Variants in RGS6 observed in about 807,000 individuals in gnomAD.
RGS6 encodes regulator of G protein signaling 6.
Under a neutral mutation model 78.5 loss-of-function variants are expected in RGS6, and 30 were observed. That is an observed-to-expected ratio of 0.38 (90% CI 0.29 to 0.52). The LOEUF is 0.52. RGS6 is among the 20% of genes least tolerant of loss of function. The pLI is 0.85. For synonymous variants in RGS6, 206 were observed against 206.0 expected, an observed-to-expected ratio of 1.00 and a Z score of 0.00; for missense variants, 495 against 609.7, an observed-to-expected ratio of 0.81 and a Z score of 1.98.
intron 2 of RGS6, among the ~76,000 whole-genome samples, chr14:72,116,588 C>T (rs1485543622): frequency 6.6e-6 from 1 of 151,874 alleles, no homozygotes. Context: ...GGGGCAAAAT[C>T]ATCCTCAGTT....
intron 3 of RGS6, among the ~76,000 whole-genome samples, chr14:72,383,116 T>C (rs1472459758): frequency 6.8e-6 from 1 of 148,036 alleles, no homozygotes; most frequent in Non-Finnish European, 1.5e-5. Flanking sequence ...ATTAAAATTT[T>C]TTCAAGAGTT....
intron 2 of RGS6, among the ~76,000 whole-genome samples, chr14:72,173,736 A>G (rs2097060694): frequency 6.6e-6 from 1 of 152,162 alleles, no homozygotes; most frequent in African/African-American, 2.4e-5. Flanking sequence ...GATCTAAATA[A>G]CATACTGGAA....
At chr14:71,953,969 G>T (rs370875891) in intron 1 of RGS6, among the ~76,000 whole-genome samples, 40 of 76,080 alleles carry the variant, frequency 5.3e-4, no homozygotes, top group South Asian at 1.1e-3. Flanking sequence ...CTAAGTGGGC[G>T]TTTTTTTTTT....
At chr14:71,948,431 G>A (rs1351899677) in intron 1 of RGS6, among the ~76,000 whole-genome samples, 2 of 152,162 alleles carry the variant, frequency 1.3e-5, no homozygotes, top group Non-Finnish European at 2.9e-5. Flanking sequence ...TTGCATCACT[G>A]TATGTGAGAG....
chr14:72,065,925 C>G (rs1346560442), intron 2 of RGS6, among the ~76,000 whole-genome samples: 1 of 149,062 alleles, frequency 6.7e-6, no homozygotes, highest in Non-Finnish European at 1.5e-5. Context: ...CTCCCCCCCT[C>G]CCCCCAGCCC....
intron 2 of RGS6, among the ~76,000 whole-genome samples, chr14:72,199,638 A>T (rs2041020653): frequency 6.6e-6 from 1 of 152,202 alleles, no homozygotes. Context: ...GAGATGTGAT[A>T]TGCTCTCCCC....
chr14:72,591,926 T>A, the RGS6 span, among the ~76,000 whole-genome samples: 1 of 152,316 alleles, frequency 6.6e-6, no homozygotes, highest in South Asian at 2.1e-4. Flanking sequence ...GTCTCCTCAA[T>A]AGCCACTACC....
At chr14:72,190,454 T>G (rs2097308599) in intron 2 of RGS6, among the ~76,000 whole-genome samples, 1 of 152,208 alleles carries the variant, frequency 6.6e-6, no homozygotes, top group South Asian at 2.1e-4. Context: ...TCATGTCTAC[T>G]CCAGGATTTT....
At chr14:72,470,715 A>T (rs928949047) in intron 8 of RGS6, among the ~76,000 whole-genome samples, 1 of 152,076 alleles carries the variant, frequency 6.6e-6, no homozygotes, top group African/African-American at 2.4e-5. Context: ...CCCCGTCTCT[A>T]CTAAAAATAC....
intron 2 of RGS6, among the ~76,000 whole-genome samples, chr14:72,185,728 G>C (rs1032116466): frequency 1.7e-4 from 26 of 152,146 alleles, no homozygotes; most frequent in Non-Finnish European, 2.9e-5. Flanking sequence ...GCGGATTACT[G>C]AGCCCAGGAG....
intron 2 of RGS6, among the ~76,000 whole-genome samples, chr14:72,234,294 CA>C (rs559294818): frequency 1.3e-3 from 201 of 151,480 alleles, no homozygotes; most frequent in African/African-American, 4.4e-3. Flanking sequence ...GTGTTAGGGT[CA>C]AAATTCTGAT....
intron 2 of RGS6, among the ~76,000 whole-genome samples, chr14:72,150,523 A>G (rs539544509): frequency 1.4e-4 from 22 of 152,204 alleles, no homozygotes; most frequent in African/African-American, 5.3e-4. Context: ...AGACTGGGTA[A>G]TTTGTAAAGA....
At chr14:72,535,583 G>A (rs1046382892) in intron 15 of RGS6, among the ~76,000 whole-genome samples, 4 of 152,080 alleles carry the variant, frequency 2.6e-5, no homozygotes, top group South Asian at 2.1e-4. Flanking sequence ...ATGTATGTAT[G>A]TGTGCATTTA....
intron 3 of RGS6, among the ~76,000 whole-genome samples, chr14:72,354,934 T>A (rs2079937223): frequency 6.6e-6 from 1 of 152,042 alleles, no homozygotes; most frequent in Admixed American, 6.6e-5. Context: ...GTATGTAATT[T>A]TACTATATTA....
chr14:72,608,125 A>G, the RGS6 span, among the ~76,000 whole-genome samples: 1 of 152,220 alleles, frequency 6.6e-6, no homozygotes. Context: ...GACCCCGTTC[A>G]TCACATGTTG....
At chr14:71,934,164 T>C (rs1328035374) in intron 1 of RGS6, among the ~76,000 whole-genome samples, 1 of 152,218 alleles carries the variant, frequency 6.6e-6, no homozygotes, top group Non-Finnish European at 1.5e-5. Context: ...GGACATTTGG[T>C]GAGACTCTTG....
At chr14:72,117,078 G>A (rs763701690) in intron 2 of RGS6, among the ~76,000 whole-genome samples, 6 of 152,002 alleles carry the variant, frequency 3.9e-5, no homozygotes, top group Non-Finnish European at 7.4e-5. Flanking sequence ...TGACATGCAG[G>A]CAGCCCCTCA....
intron 2 of RGS6, among the ~76,000 whole-genome samples, chr14:72,033,474 G>A (rs930385585): frequency 6.6e-6 from 1 of 151,990 alleles, no homozygotes; most frequent in South Asian, 2.1e-4. Flanking sequence ...GGCTCAAGTG[G>A]TCCTCTTGCC....
intron 12 of RGS6, among the ~76,000 whole-genome samples, chr14:72,479,644 C>T (rs1418738954): frequency 1.3e-5 from 2 of 152,212 alleles, no homozygotes; most frequent in Admixed American, 1.3e-4. Context: ...ACTCTGGAGT[C>T]GCTGTTTCAG....
Sources: gnomAD v4.1 joint callset for allele counts (sites outside exome capture counted in the v4.1 genomes callset) on GRCh38, gnomAD v4.1.1 for gene constraint, MANE v1.5 for transcripts, NCBI Gene and HGNC (gene_info 2026-07-23, HGNC 2026-07-21) for gene names.